The following SLC8A1 variants were observed in gnomAD, a reference collection of about 807,000 sequenced individuals.
The protein encoded by SLC8A1 is solute carrier family 8 member A1.
A neutral mutation model predicts 68.3 loss-of-function variants in SLC8A1; 18 were observed. The ratio of observed to expected loss-of-function variants is 0.26; its 90% CI spans 0.18 to 0.39. The LOEUF (loss-of-function observed/expected upper bound fraction) is 0.39. Ranked by LOEUF, SLC8A1 falls within the 10% of genes least tolerant of loss-of-function variation. SLC8A1 has a pLI of 1.00. For synonymous variants in SLC8A1, 475 were observed against 415.5 expected (o/e 1.14, Z -1.74); for missense variants, 985 against 1,156.7 (o/e 0.85, Z 2.15).
chr2:40,257,563 G>A (rs1339772505), intron 2 of SLC8A1, among the ~76,000 whole-genome samples: 1 of 151,984 alleles, frequency 6.6e-6, no homozygotes, highest in Non-Finnish European at 1.5e-5. Context: ...ATATCCAAGA[G>A]CGTATCAGAT....
chr2:40,244,347 C>T (rs2061574362), intron 2 of SLC8A1, among the ~76,000 whole-genome samples: 1 of 152,088 alleles, frequency 6.6e-6, no homozygotes, highest in African/African-American at 2.4e-5. Context: ...CATCTATTAT[C>T]TCTTTAAATT....
intron 2 of SLC8A1, among the ~76,000 whole-genome samples, chr2:40,233,258 CT>C (rs1172860652): frequency 6.6e-6 from 1 of 152,194 alleles, no homozygotes; most frequent in Non-Finnish European, 1.5e-5. Flanking sequence ...TCTCCAGCTC[CT>C]GTTGTTTCCT....
At chr2:40,136,400 A>T (rs1411202091) in intron 7 of SLC8A1, among the ~76,000 whole-genome samples, 1 of 152,212 alleles carries the variant, frequency 6.6e-6, no homozygotes, top group African/African-American at 2.4e-5. Flanking sequence ...TAGTATGGTA[A>T]AAACACTTTT....
intron 2 of SLC8A1, among the ~76,000 whole-genome samples, chr2:40,237,572 A>C (rs547088810): frequency 6.6e-6 from 1 of 152,026 alleles, no homozygotes; most frequent in Admixed American, 6.5e-5. Flanking sequence ...AGCTCAGAGT[A>C]ATTTGATCGT....
At chr2:40,344,729 T>C (rs1668725576) in intron 2 of SLC8A1, among the ~76,000 whole-genome samples, 1 of 152,182 alleles carries the variant, frequency 6.6e-6, no homozygotes, top group South Asian at 2.1e-4. Flanking sequence ...AAGTTTAAAA[T>C]GTTGAGGACA....
At chr2:40,385,521 G>A (rs1166934141) in intron 2 of SLC8A1, among the ~76,000 whole-genome samples, 2 of 91,568 alleles carry the variant, frequency 2.2e-5, no homozygotes, top group Non-Finnish European at 4.4e-5. Flanking sequence ...ATAAACACGG[G>A]ATAATGATAA....
intron 7 of SLC8A1, among the ~76,000 whole-genome samples, chr2:40,128,301 T>C (rs1262414145): frequency 6.6e-6 from 1 of 152,200 alleles, no homozygotes; most frequent in Non-Finnish European, 1.5e-5. Flanking sequence ...GGCAATGAAG[T>C]TTTGCTTTCT....
intron 2 of SLC8A1, among the ~76,000 whole-genome samples, chr2:40,354,665 T>A (rs1055004021): frequency 4.6e-5 from 7 of 152,224 alleles, no homozygotes; most frequent in Non-Finnish European, 1.0e-4. Flanking sequence ...CCTGGATGAC[T>A]TGTCTTCTCC....
chr2:40,227,525 A>G (rs1400621022), intron 2 of SLC8A1, among the ~76,000 whole-genome samples: 1 of 152,060 alleles, frequency 6.6e-6, no homozygotes, highest in African/African-American at 2.4e-5. Context: ...ATGAGAACAC[A>G]TGAACACAGA....
intron 2 of SLC8A1, among the ~76,000 whole-genome samples, chr2:40,308,856 T>TA (rs2073157699): frequency 6.6e-6 from 1 of 152,138 alleles, no homozygotes; most frequent in Non-Finnish European, 1.5e-5. Flanking sequence ...TGGAGGCTTT[T>TA]AAAAATAGGA....
intron 2 of SLC8A1, among the ~76,000 whole-genome samples, chr2:40,229,769 AC>A (rs2059423021): frequency 6.6e-6 from 1 of 152,166 alleles, no homozygotes; most frequent in African/African-American, 2.4e-5. Flanking sequence ...CTTATATCTT[AC>A]TTTTTGCCTT....
At chr2:40,401,800 T>A (rs1688835269) in intron 2 of SLC8A1, among the ~76,000 whole-genome samples, 1 of 152,148 alleles carries the variant, frequency 6.6e-6, no homozygotes, top group Non-Finnish European at 1.5e-5. Context: ...GGTGTGTGGT[T>A]ATGAGGTTAA....
rs192038179 is a variant in SLC8A1 at position 40,227,168 on chromosome 2, A to C, written c.1809-49313T>G. Among the ~76,000 whole-genome samples the C allele has an allele frequency of 2.4e-3, 364 of 152,284 alleles. 2 individuals are homozygous for C. The highest frequency in any genetic ancestry group is 8.3e-3 in the African/African-American group (347 of 41,562). On this transcript the variant is annotated intron_variant, in intron 2 of 7. Coordinates refer to ENST00000406785, the Ensembl canonical transcript of SLC8A1. Reference sequence around the variant, plus strand: ...ACAAGGAACTAATATTTAAAATTCAACATTTAAGTTTGTACTTCTTTATGG... The same window carrying C: ...ACAAGGAACTAATATTTAAAATTCACCATTTAAGTTTGTACTTCTTTATGG...
chr2:40,174,546 C>T (rs1255440064), intron 4 of SLC8A1, among the ~76,000 whole-genome samples, 160 bp downstream of exon 6: 2 of 152,074 alleles, frequency 1.3e-5, no homozygotes, highest in East Asian at 3.8e-4. Context: ...ACACAACACA[C>T]ACACATTATT....
intron 2 of SLC8A1, among the ~76,000 whole-genome samples, chr2:40,394,161 A>G (rs1290606237): frequency 2.6e-5 from 4 of 152,138 alleles, no homozygotes; most frequent in African/African-American, 9.7e-5. Flanking sequence ...GAGCTTAAAA[A>G]AAGGTTACTA....
intron 2 of SLC8A1, among the ~76,000 whole-genome samples, chr2:40,244,863 C>A (rs1574620220): frequency 6.6e-6 from 1 of 152,136 alleles, no homozygotes; most frequent in East Asian, 1.9e-4. Context: ...CTGCCTGAGA[C>A]TGTGGGTTTA....
chr2:40,285,134 G>A (rs2068109060), intron 2 of SLC8A1, among the ~76,000 whole-genome samples: 1 of 152,160 alleles, frequency 6.6e-6, no homozygotes, highest in African/African-American at 2.4e-5. Context: ...TAGCAACTCT[G>A]TGAATTGGGT....
rs754689537 is a variant in SLC8A1 at position 40,170,289 on chromosome 2, G to T, written c.1930+4536C>A. ...CATGATGAAATGAGTACCTGCAATG[G>T]TGATTACAGTAGAGAGAATCGGATG... On this transcript the variant is annotated intron_variant, in intron 4 of 7. Coordinates refer to ENST00000406785, the Ensembl canonical transcript of SLC8A1. 5 of 1,613,788 alleles carry T rather than the reference G, an allele frequency of 3.1e-6. No homozygotes were observed. The Admixed American group carries it at 6.7e-5, about 22-fold the overall frequency.
chr2:40,481,765 C>T (rs1704644299), intron 1 of SLC8A1, among the ~76,000 whole-genome samples: 1 of 152,162 alleles, frequency 6.6e-6, no homozygotes. Flanking sequence ...AGTGAGATGC[C>T]AGTTCTTCAT....
Sources: allele counts gnomAD v4.1 joint callset (sites outside exome capture counted in the v4.1 genomes callset), GRCh38; gene constraint gnomAD v4.1.1; transcripts MANE v1.5; gene names NCBI Gene and HGNC (gene_info 2026-07-23, HGNC 2026-07-21).